Variants in APBB2 observed in about 807,000 individuals in gnomAD.
The protein encoded by APBB2 is Fe65-like 1.
Under a neutral mutation model 82.5 loss-of-function variants are expected in APBB2, and 38 were observed. The observed-to-expected ratio is 0.46, with a 90% CI of 0.36 to 0.60. APBB2 has a LOEUF of 0.60. APBB2 is among the 20% of genes least tolerant of loss of function. The pLI is 0.00. For synonymous variants in APBB2, 341 were observed against 368.2 expected, an observed-to-expected ratio of 0.93 and a Z score of 0.85; for missense variants, 772 against 972.3, an observed-to-expected ratio of 0.79 and a Z score of 2.74.
chr4:41,193,117 T>C (rs993488117), intron 1 of APBB2, among the ~76,000 whole-genome samples: 6 of 152,350 alleles, frequency 3.9e-5, no homozygotes, highest in African/African-American at 1.4e-4. Context: ...GAGCTCTAGT[T>C]TCAGTTCACC....
chr4:40,853,034 A>G (rs935074895), intron 12 of APBB2, among the ~76,000 whole-genome samples: 48 of 152,280 alleles, frequency 3.2e-4, no homozygotes, highest in Admixed American at 7.8e-4. Flanking sequence ...TTCTATTAGC[A>G]TGTATTTTCT....
chr4:40,845,496 G>A (rs1421506908), intron 12 of APBB2, among the ~76,000 whole-genome samples: 3 of 147,884 alleles, frequency 2.0e-5, no homozygotes, highest in South Asian at 2.1e-4. Context: ...AATAAATGCC[G>A]GAGTAATTGG....
intron 6 of APBB2, among the ~76,000 whole-genome samples, chr4:40,963,846 T>C (rs1793925004): frequency 6.6e-6 from 1 of 152,262 alleles, no homozygotes; most frequent in Non-Finnish European, 1.5e-5. Flanking sequence ...TGTCTTCCTG[T>C]GTTGCAGACA....
At chr4:40,830,359 A>G (rs532956458) in intron 13 of APBB2, 104 bp downstream of exon 13, 2 of 749,938 alleles carry the variant, frequency 2.7e-6, no homozygotes, top group Non-Finnish European at 4.7e-6. Flanking sequence ...CTTCTCCCTG[A>G]GCTCAACTGC....
chr4:41,049,879 T>C (rs962863555), intron 4 of APBB2, among the ~76,000 whole-genome samples: 9 of 152,158 alleles, frequency 5.9e-5, no homozygotes, highest in Admixed American at 1.3e-4. Flanking sequence ...GGATTAAGGG[T>C]GGTGCAAGAT....
At chr4:41,050,528 T>A (rs1725553782) in intron 4 of APBB2, among the ~76,000 whole-genome samples, 1 of 152,204 alleles carries the variant, frequency 6.6e-6, no homozygotes, top group African/African-American at 2.4e-5. Context: ...CTAGTTCCCT[T>A]CATCTTTCCT....
intron 11 of APBB2, among the ~76,000 whole-genome samples, chr4:40,892,186 G>A (rs1363643216): frequency 6.6e-6 from 1 of 152,118 alleles, no homozygotes; most frequent in East Asian, 1.9e-4. Flanking sequence ...CCTGAGCTCA[G>A]GTGATCCACC....
At chr4:40,874,505 G>T (rs1487441118) in intron 12 of APBB2, among the ~76,000 whole-genome samples, 1 of 152,180 alleles carries the variant, frequency 6.6e-6, no homozygotes, top group African/African-American at 2.4e-5. Flanking sequence ...AGGCACAGGA[G>T]GCGGGGGCAG....
At chr4:40,871,005 T>G (rs920868456) in intron 12 of APBB2, among the ~76,000 whole-genome samples, 2 of 41,974 alleles carry the variant, frequency 4.8e-5, no homozygotes, top group Admixed American at 3.4e-4. Flanking sequence ...CGCCCAGCCA[T>G]ACATATATAT....
intron 6 of APBB2, among the ~76,000 whole-genome samples, chr4:40,965,617 T>C (rs1794492295): frequency 6.6e-6 from 1 of 152,240 alleles, no homozygotes; most frequent in Non-Finnish European, 1.5e-5. Context: ...TTTTTATATA[T>C]TGAGTTAAAT....
In APBB2 at chr4:41,094,483, A is replaced by G. The variant is rs1454284501; in HGVS notation, c.-149+6156T>C. On this transcript the variant is annotated intron_variant, in intron 3 of 17. Coordinates refer to ENST00000508593, the MANE Select transcript of APBB2 (RefSeq NM_004307.2). ...TTAAGTTCTACTGGACTTTAACTGT[A>G]TAACTGCAACTGAAGCTTTACCTAT... 2.6e-5 allele frequency among the ~76,000 whole-genome samples: 4 copies of G among 152,274 alleles called. No homozygotes were observed. In the East Asian group the frequency reaches 5.8e-4, roughly 22 times the overall value.
intron 12 of APBB2, among the ~76,000 whole-genome samples, chr4:40,884,432 C>A (rs944843308): frequency 2.0e-5 from 3 of 152,178 alleles, no homozygotes; most frequent in African/African-American, 7.2e-5. Flanking sequence ...AGCAGCAGAA[C>A]AGCACTGGCA....
chr4:40,837,584 T>C (rs1424963552), intron 12 of APBB2, among the ~76,000 whole-genome samples: 1 of 152,226 alleles, frequency 6.6e-6, no homozygotes, highest in African/African-American at 2.4e-5. Context: ...CTACCACCTG[T>C]GATCATCAGA....
chr4:41,135,035 CCA>C (rs1727594831), intron 2 of APBB2, among the ~76,000 whole-genome samples: 1 of 152,090 alleles, frequency 6.6e-6, no homozygotes, highest in Non-Finnish European at 1.5e-5. Context: ...GATTGGAACT[CCA>C]GACTTCTTAT....
At chr4:41,159,739 T>G (rs1176695524) in intron 1 of APBB2, among the ~76,000 whole-genome samples, 5 of 151,916 alleles carry the variant, frequency 3.3e-5, no homozygotes, top group African/African-American at 4.8e-5. Flanking sequence ...GTCTATAAAC[T>G]GCAATCTCAT....
intron 5 of APBB2, 44 bp from the exon 6 acceptor site, chr4:41,014,442 A>C: frequency 6.5e-7 from 1 of 1,528,162 alleles, no homozygotes; most frequent in Non-Finnish European, 9.0e-7. Flanking sequence ...TGATTAAACT[A>C]CTTAGTATAC....
intron 3 of APBB2, among the ~76,000 whole-genome samples, chr4:41,100,386 G>A (rs1744947860): frequency 6.6e-6 from 1 of 151,788 alleles, no homozygotes; most frequent in Non-Finnish European, 1.5e-5. Context: ...TAAAAGTTTT[G>A]TCACAACCTT....
chr4:40,895,497 T>C (rs549181310), intron 10 of APBB2, among the ~76,000 whole-genome samples: 66 of 152,376 alleles, frequency 4.3e-4, no homozygotes, highest in Admixed American at 9.1e-4. Flanking sequence ...AGGTCTTGCC[T>C]GGCCTGCCTG....
At chr4:40,956,546 G>A (rs1791687440) in intron 6 of APBB2, among the ~76,000 whole-genome samples, 1 of 151,458 alleles carries the variant, frequency 6.6e-6, no homozygotes, top group African/African-American at 2.4e-5. Context: ...GTCTACCACA[G>A]CCTCAGAAAA....
Sources: gnomAD v4.1 joint callset for allele counts (sites outside exome capture counted in the v4.1 genomes callset) on GRCh38, gnomAD v4.1.1 for gene constraint, MANE v1.5 for transcripts, NCBI Gene and HGNC (gene_info 2026-07-23, HGNC 2026-07-21) for gene names.